DKK3: variants seen among roughly 807,000 people sequenced by gnomAD.
DKK3 encodes the protein dickkopf-related protein 3.
Under a neutral mutation model 33.2 loss-of-function variants are expected in DKK3, and 22 were observed. The ratio of observed to expected loss-of-function variants is 0.66; its 90% CI spans 0.47 to 0.95. The LOEUF is 0.95. DKK3 is among the 40% of genes least tolerant of loss of function. DKK3 has a pLI of 0.00. For missense variants in DKK3, 398 were observed against 458.4 expected (o/e 0.87, Z 1.20); for synonymous variants, 194 against 188.8 (o/e 1.03, Z -0.23).
intron 1 of DKK3, among the ~76,000 whole-genome samples, chr11:12,007,922 C>T (rs1012960860): frequency 1.9e-4 from 29 of 152,234 alleles, no homozygotes; most frequent in African/African-American, 7.0e-4. Context: ...GGCTCTTTGC[C>T]TCTTTGTCCC....
At chr11:11,988,907 A>G (rs917482256) in intron 3 of DKK3, among the ~76,000 whole-genome samples, 1 of 152,210 alleles carries the variant, frequency 6.6e-6, no homozygotes, top group Admixed American at 6.5e-5. Flanking sequence ...ACTCCCTGAG[A>G]CTATGGCTGC....
intron 6 of DKK3, among the ~76,000 whole-genome samples, chr11:11,965,042 C>G (rs1428581972): frequency 6.6e-6 from 1 of 152,218 alleles, no homozygotes; most frequent in Non-Finnish European, 1.5e-5. Flanking sequence ...GTCAGCCTGA[C>G]TCTGGGGTGT....
intron 3 of DKK3, 68 bp downstream of exon 3, chr11:11,998,628 G>A (rs528027119): frequency 3.6e-5 from 52 of 1,427,778 alleles, no homozygotes; most frequent in African/African-American, 5.6e-5. Flanking sequence ...CTGAGTCACC[G>A]TTGGCAAACT....
At chr11:12,008,772 C>T (rs1038353416), upstream of DKK3, 119 of 1,192,270 alleles carry the variant, frequency 1.0e-4, no homozygotes, top group Admixed American at 6.3e-4. This position sits in a 1 kb window ranked among gnomAD's most constrained non-coding sequence, Gnocchi z 4.6. Flanking sequence ...CTCCCCTACA[C>T]CCGAAAAGAC....
rs750686974 is a variant in DKK3, at chr11:11,965,878, C to T, written c.761G>A (p.Trp254Ter). ...CAAGGCTCCATCAGGCTCTAGCTCC[C>T]AGGTGATGAGGTCCAGAAGCCGGCT... ...PASRLLDLIT[W>*]ELEPDGALDR... The change falls in exon 6 of 7, where the codon TGG becomes TAG. Residue 254 changes from tryptophan to a stop codon, truncating the protein, a stop_gained. Transcript: ENST00000683431. LOFTEE classifies it high-confidence loss of function. The T allele has an allele frequency of 6.2e-6, 10 of 1,614,068 alleles. No individual in the cohort carries two copies. The highest frequency in any genetic ancestry group is 1.7e-5 in the Admixed American group (1 of 60,012).
rs1191250677 is a variant in DKK3, at chr11:11,981,712, G to T, written c.436-13225C>A. Among the ~76,000 whole-genome samples, 2 of 152,010 alleles carry T rather than the reference G, an allele frequency of 1.3e-5. 1 individual carries two copies. On this transcript the variant is annotated intron_variant, in intron 3 of 6. Transcript: ENST00000683431. ...CACACACAGCCGTCTAGAGAAAAAA[G>T]GCCTGTCTCATATCCCTCTGCCTTA...
At chr11:12,006,003 T>A (rs1254608433) in intron 1 of DKK3, among the ~76,000 whole-genome samples, 3 of 152,188 alleles carry the variant, frequency 2.0e-5, no homozygotes, top group Admixed American at 2.0e-4. Flanking sequence ...CTGCTACTAG[T>A]AATATGATGA....
chr11:12,009,532 A>G, upstream of DKK3: 1 of 956,390 alleles, frequency 1.0e-6, no homozygotes, highest in Non-Finnish European at 1.2e-6. Flanking sequence ...CATCTCCTTC[A>G]CTGCCTGCCC....
At chr11:12,004,442 C>T (rs1166257459) in intron 1 of DKK3, among the ~76,000 whole-genome samples, 2 of 152,084 alleles carry the variant, frequency 1.3e-5, no homozygotes, top group Non-Finnish European at 2.9e-5. Context: ...TAGGGACCTT[C>T]TAGGTGGGAA....
At chr11:11,965,717 C>T in intron 6 of DKK3, 92 bp downstream of exon 6, 1 of 1,481,654 alleles carries the variant, frequency 6.7e-7, no homozygotes, top group Non-Finnish European at 9.0e-7. Flanking sequence ...CTACACCTCC[C>T]CCAGGGAAAA....
At chr11:11,982,659 G>C (rs1419835488) in intron 3 of DKK3, among the ~76,000 whole-genome samples, 1 of 152,116 alleles carries the variant, frequency 6.6e-6, no homozygotes, top group East Asian at 1.9e-4. Flanking sequence ...CAGAGTTCTG[G>C]GCCTTCCCGC....
At chr11:11,998,852 T>C in intron 2 of DKK3, 73 bp from the exon 3 acceptor site, 1 of 1,437,578 alleles carries the variant, frequency 7.0e-7, no homozygotes, top group Non-Finnish European at 9.8e-7. Flanking sequence ...GTTTTTGTGT[T>C]TTGTTTTCCA....
intron 1 of DKK3, among the ~76,000 whole-genome samples, chr11:12,004,143 A>G (rs1036086372): frequency 1.5e-4 from 23 of 152,224 alleles, no homozygotes; most frequent in African/African-American, 5.3e-4. Flanking sequence ...CTGTGATTAT[A>G]GAGTCAGGTC....
intron 3 of DKK3, among the ~76,000 whole-genome samples, chr11:11,995,291 C>T (rs12577616): frequency 0.037 from 5,702 of 152,070 alleles, 233 homozygotes; most frequent in East Asian, 0.17. Context: ...CAATTTCTTA[C>T]CCCGGTTGGT....
intron 3 of DKK3, among the ~76,000 whole-genome samples, chr11:11,980,592 C>T (rs7478946): frequency 0.56 from 84,860 of 151,898 alleles, 24,571 homozygotes; most frequent in Middle Eastern, 0.79. Context: ...ATCTGTCAAT[C>T]AATCTTTAGG....
Position 11,965,850 on chromosome 11 carries a change from G to C in DKK3, c.789C>G (p.Asp263Glu). ...TWELEPDGAL[D>E]RCPCASGLLC... ...GGAGGCCACTGGCACAAGGGCATCG[G>C]TCCAAGGCTCCATCAGGCTCTAGCT... The change falls in exon 6 of 7, where the codon GAC (aspartate) becomes GAG (glutamate). Residue 263 changes from aspartate (D) to glutamate (E), a missense_variant. Coordinates refer to ENST00000683431, the MANE Select transcript of DKK3 (RefSeq NM_001018057.2). The C allele has an allele frequency of 6.2e-7, 1 of 1,614,184 alleles. No individual in the cohort carries two copies. Among genetic ancestry groups the C allele is most frequent in the Non-Finnish European group, 8.5e-7 (1 of 1,180,048 alleles).
intron 3 of DKK3, among the ~76,000 whole-genome samples, chr11:11,969,027 C>A (rs1442905554): frequency 6.6e-6 from 1 of 152,118 alleles, no homozygotes; most frequent in Non-Finnish European, 1.5e-5. Flanking sequence ...AAGGCAGCTG[C>A]CAGCTTGGAA....
At chr11:11,980,309 C>T (rs2135035387) in intron 3 of DKK3, among the ~76,000 whole-genome samples, 1 of 152,346 alleles carries the variant, frequency 6.6e-6, no homozygotes, top group African/African-American at 2.4e-5. Context: ...GATTGCTGAG[C>T]AGGTCCGGTC....
At chr11:12,006,408 G>A (rs894791015) in intron 1 of DKK3, among the ~76,000 whole-genome samples, 30 of 152,206 alleles carry the variant, frequency 2.0e-4, no homozygotes, top group Non-Finnish European at 2.4e-4. Flanking sequence ...CTTCAGACTC[G>A]GAACGCCACT....
Sources: gnomAD v4.1 joint callset for allele counts (sites outside exome capture counted in the v4.1 genomes callset) on GRCh38, gnomAD v4.1.1 for gene constraint, Gnocchi (gnomAD v3.1) non-coding constraint, MANE v1.5 for transcripts, NCBI Gene and HGNC (gene_info 2026-07-23, HGNC 2026-07-21) for gene names.